G6PC2: variants seen among roughly 807,000 people sequenced by gnomAD.
The protein encoded by G6PC2 is glucose-6-phosphatase 2.
A neutral mutation model predicts 35.4 loss-of-function variants in G6PC2; 41 were observed. The ratio of observed to expected loss-of-function variants is 1.16; its 90% CI spans 0.90 to 1.50. G6PC2 has a LOEUF of 1.50. Among genes scored for constraint, G6PC2 ranks in the 40% most tolerant of loss-of-function variants. G6PC2 has a pLI of 0.00. For synonymous variants in G6PC2, 165 were observed against 153.2 expected, an observed-to-expected ratio of 1.08 and a Z score of -0.57; for missense variants, 441 against 426.5, an observed-to-expected ratio of 1.03 and a Z score of -0.30.
Position 168,909,387 on chromosome 2 carries a change from T to G in G6PC2, c.*1308T>G, listed in dbSNP as rs1574379244. ...AGACTTATCTCTTCACTATGACATC[T>G]CCATACTTTATTTTTAGGAGACAGA... is the stretch of plus-strand genomic sequence containing the variant. On this transcript the variant is annotated 3_prime_UTR_variant, in exon 5 of 5. Coordinates refer to ENST00000375363, the MANE Select transcript of G6PC2 (RefSeq NM_021176.3). 1 of 152,196 alleles carries G rather than the reference T, an allele frequency of 6.6e-6. No homozygotes were observed. Among genetic ancestry groups the G allele is most frequent in the South Asian group, 2.1e-4 (1 of 4,830 alleles). 9.4% of individuals were successfully genotyped at this position (152,196 alleles called of 1,614,324 possible).
chr2:168,907,864 G>T lies in G6PC2; in HGVS notation c.853G>T (p.Gly285Ter), dbSNP rs1458765532. 1 of 1,613,972 alleles carries T rather than the reference G, an allele frequency of 6.2e-7. No homozygotes were observed. Among genetic ancestry groups the T allele is most frequent in the East Asian group, 2.2e-5 (1 of 44,882 alleles). Reference sequence around the variant, plus strand: ...GATGTTCCTCCTGAGCTGCCGAGGGGGAAATAACTACACACTGAGCTTCCG... The same window carrying T: ...GATGTTCCTCCTGAGCTGCCGAGGGTGAAATAACTACACACTGAGCTTCCG... ...SEMFLLSCRG[G>*]NNYTLSFRLL... Residue 285 changes from glycine (G) to a stop codon, truncating the protein, a stop_gained, in exon 5 of 5, where the codon GGA becomes TGA. Transcript: ENST00000375363. LOFTEE classifies it high-confidence loss of function.
Position 168,907,666 on chromosome 2 carries a change from G to C in G6PC2, c.655G>C (p.Val219Leu), listed in dbSNP as rs492594. The change falls in exon 5 of 5, where the codon GTT (valine) becomes CTT (leucine). Residue 219 changes from valine (V) to leucine (L), a missense_variant. By Grantham distance (32) the Val-to-Leu change is conservative. Transcript: ENST00000375363. Reference protein sequence around the residue: ...KTNLFLFLFAVGFYLLLRVLN... With the variant: ...KTNLFLFLFALGFYLLLRVLN... ...CAACCTCTTTCTCTTCCTGTTTGCAGTTGGCTTTTACCTGCTTCTTAGGGT... is the reference window on the plus strand; with the variant it reads ...CAACCTCTTTCTCTTCCTGTTTGCACTTGGCTTTTACCTGCTTCTTAGGGT... The C allele has an allele frequency of 0.46, 745,970 of 1,613,228 alleles. 176,336 individuals are homozygous for C. Among genetic ancestry groups the C allele is most frequent in the Admixed American group, 0.62 (36,958 of 59,996 alleles).
At position 168,907,935 on chromosome 2, in the gene G6PC2, T is replaced by C; in HGVS notation, c.924T>C (p.His308=). The C allele has an allele frequency of 1.2e-6, 2 of 1,614,176 alleles. No individual in the cohort carries two copies. The highest frequency in any genetic ancestry group is 1.7e-6 in the Non-Finnish European group (2 of 1,179,986). The change falls in exon 5 of 5, where the codon CAT becomes CAC. Residue 308 remains histidine (H), a synonymous_variant. Transcript: ENST00000375363. ...LTSLTILQLY[H]FLQIPTHEEH... ...CATTGACAATACTGCAGCTCTACCATTTCCTCCAGATCCCGACTCACGAAG... is the reference window on the plus strand; with the variant it reads ...CATTGACAATACTGCAGCTCTACCACTTCCTCCAGATCCCGACTCACGAAG...
chr2:168,905,492 A>G (rs1690688503), intron 3 of G6PC2, among the ~76,000 whole-genome samples: 1 of 152,210 alleles, frequency 6.6e-6, no homozygotes, highest in Non-Finnish European at 1.5e-5. Flanking sequence ...AGTTTATTCT[A>G]ATGAGACTGT....
chr2:168,903,295 C>T (rs970081344), intron 2 of G6PC2, among the ~76,000 whole-genome samples: 2 of 152,202 alleles, frequency 1.3e-5, no homozygotes, highest in African/African-American at 2.4e-5. Context: ...TCGAAACTAA[C>T]TTTGAGTAAA....
In G6PC2 at chr2:168,907,911, AT is replaced by A. The variant is rs745871593; in HGVS notation, c.902del (p.Leu301Ter). 2.4e-5 allele frequency: 38 copies of A among 1,613,972 alleles called. No individual in the cohort carries two copies. The highest frequency in any genetic ancestry group is 3.1e-5 in the Non-Finnish European group (37 of 1,179,936). On this transcript the variant is annotated frameshift_variant, in exon 5 of 5. Coordinates refer to ENST00000375363, the MANE Select transcript of G6PC2 (RefSeq NM_021176.3). LOFTEE classifies it high-confidence loss of function. ...TCCGGTTGCTCTGTGCCTTGACCTC[AT>A]TGACAATACTGCAGCTCTACCATTT... ...SFRLLCALTS[L>X]TILQLYHFLQ...
chr2:168,904,477 C>G (rs746197229), intron 2 of G6PC2, 28 bp from the exon 3 acceptor site: 17 of 1,186,116 alleles, frequency 1.4e-5, no homozygotes, highest in Non-Finnish European at 1.9e-5. Flanking sequence ...AACCACTTTT[C>G]AAATGGACGG....
intron 2 of G6PC2, chr2:168,903,051 C>T (rs1052880823): frequency 3.7e-5 from 6 of 160,836 alleles, no homozygotes; most frequent in Admixed American, 6.0e-5. Context: ...CTAGAACAAT[C>T]TCTTTAAAAC....
rs762906384 is a variant in G6PC2 at position 168,908,041 on chromosome 2, C to G, written c.1030C>G (p.His344Asp). ...TVVAFIPYSV[H>D]MLMKQSGKKS... ...GGTTGCTTTCATTCCCTACTCTGTT[C>G]ATATGTTAATGAAACAAAGCGGAAA... Residue 344 changes from histidine (H) to aspartate (D), a missense_variant, in exon 5 of 5, where the codon CAT becomes GAT. Physicochemically the swap from His to Asp is moderately conservative, Grantham distance 81. Coordinates refer to ENST00000375363, the MANE Select transcript of G6PC2 (RefSeq NM_021176.3). 6.2e-7 allele frequency: 1 copy of G among 1,612,844 alleles called. No individual in the cohort carries two copies. The highest frequency in any genetic ancestry group is 2.2e-5 in the East Asian group (1 of 44,896).
rs1432869713 is a variant in G6PC2 at position 168,908,482 on chromosome 2, G to A, written c.*403G>A. ...ACTATGATTCCTTTATCTTCTTAAGGCCAGGCTGCATCTGATTCCTGTTGA... is the reference window on the plus strand; with the variant it reads ...ACTATGATTCCTTTATCTTCTTAAGACCAGGCTGCATCTGATTCCTGTTGA... On this transcript the variant is annotated 3_prime_UTR_variant, in exon 5 of 5. Transcript: ENST00000375363. The A allele has an allele frequency of 4.0e-6, 1 of 250,654 alleles. No homozygotes were observed. Among genetic ancestry groups the A allele is most frequent in the Non-Finnish European group, 7.7e-6 (1 of 129,200 alleles). The allele number at this position is 250,654 out of a possible 1,614,324, so 15.5% of individuals were successfully genotyped here.
chr2:168,901,931 T>C (rs185889492), intron 1 of G6PC2, among the ~76,000 whole-genome samples: 24 of 152,134 alleles, frequency 1.6e-4, no homozygotes, highest in African/African-American at 5.8e-4. Flanking sequence ...AGACAGGGTT[T>C]CTCTATGTTG....
At chr2:168,902,316 C>T in intron 1 of G6PC2, 129 bp from the exon 2 acceptor site, 1 of 655,528 alleles carries the variant, frequency 1.5e-6, no homozygotes, top group Non-Finnish European at 2.7e-6. Flanking sequence ...TTCAAAGTCT[C>T]TTAATCATGA....
chr2:168,908,221 T>C lies in G6PC2; in HGVS notation c.*142T>C. On this transcript the variant is annotated 3_prime_UTR_variant, in exon 5 of 5. Transcript: ENST00000375363. ...AGGCCCCATTCCCCATAGAGATGTT[T>C]AGTTTGGCCTTCGCACTGGTCTTTT... 2 of 724,142 alleles carry C rather than the reference T, an allele frequency of 2.8e-6. No homozygotes were observed. The highest frequency in any genetic ancestry group is 4.8e-6 in the Non-Finnish European group (2 of 413,018). The allele number at this position is 724,142 out of a possible 1,614,324, so 44.9% of individuals were successfully genotyped here. A position where few individuals can be genotyped will look rare whatever the true frequency, so the allele number is the denominator to read the frequency against.
Position 168,909,464 on chromosome 2 carries a change from A to G in G6PC2, c.*1385A>G, listed in dbSNP as rs1178823681. 6 of 152,242 alleles carry G rather than the reference A, an allele frequency of 3.9e-5. No homozygotes were observed. Among genetic ancestry groups the G allele is most frequent in the African/African-American group, 7.2e-5 (3 of 41,464 alleles). 9.4% of individuals were successfully genotyped at this position (152,242 alleles called of 1,614,324 possible). ...CTTCCTCAAGGTCATGCTCCAACCC[A>G]GGCCAACTATTAAATGCTTGCATCT... On this transcript the variant is annotated 3_prime_UTR_variant, in exon 5 of 5. Transcript: ENST00000375363.
intron 3 of G6PC2, among the ~76,000 whole-genome samples, chr2:168,905,997 G>GT (rs757203553): frequency 1.6e-5 from 2 of 124,322 alleles, no homozygotes; most frequent in African/African-American, 3.0e-5. Flanking sequence ...ATTTTTTTAT[G>GT]TTTTTTGTGC....
intron 4 of G6PC2, among the ~76,000 whole-genome samples, chr2:168,907,117 C>A (rs1179646834): frequency 6.6e-6 from 1 of 152,214 alleles, no homozygotes; most frequent in Non-Finnish European, 1.5e-5. Flanking sequence ...CTGAGCCCTG[C>A]ACACTGTGCC....
intron 3 of G6PC2, among the ~76,000 whole-genome samples, chr2:168,905,948 C>CT (rs58688277): frequency 8.0e-4 from 118 of 148,174 alleles, no homozygotes; most frequent in Non-Finnish European, 1.2e-3. Context: ...ACTGCTAACA[C>CT]TTTTTTTTTT....
rs200660716 is a variant in G6PC2, at chr2:168,901,808, C to G, written c.218+259C>G. 1.7e-4 allele frequency among the ~76,000 whole-genome samples: 26 copies of G among 150,346 alleles called. No individual in the cohort carries two copies. The East Asian group carries it at 4.1e-3, about 24-fold the overall frequency. On this transcript the variant is annotated intron_variant, in intron 1 of 4. Coordinates refer to ENST00000375363, the MANE Select transcript of G6PC2 (RefSeq NM_021176.3). ...ATGGAGTGCAATGGCGTGATCTCGG[C>G]TCACTGCAACCTCTGCCTCCCAGGT...
chr2:168,909,413 C>T lies in G6PC2; in HGVS notation c.*1334C>T, dbSNP rs945642603. On this transcript the variant is annotated 3_prime_UTR_variant, in exon 5 of 5. Coordinates refer to ENST00000375363, the MANE Select transcript of G6PC2 (RefSeq NM_021176.3). ...CCATACTTTATTTTTAGGAGACAGA[C>T]TTTCAAAACCAGAGAAATCAGGTGC... is the stretch of plus-strand genomic sequence containing the variant. The T allele has an allele frequency of 1.3e-5, 2 of 152,222 alleles. No individual in the cohort carries two copies. Among genetic ancestry groups the T allele is most frequent in the African/African-American group, 4.8e-5 (2 of 41,460 alleles). 9.4% of individuals were successfully genotyped at this position (152,222 alleles called of 1,614,324 possible).
Sources: allele counts gnomAD v4.1 joint callset (sites outside exome capture counted in the v4.1 genomes callset), GRCh38; gene constraint gnomAD v4.1.1; transcripts MANE v1.5; gene names NCBI Gene and HGNC (gene_info 2026-07-23, HGNC 2026-07-21).